Variants in CPNE8 observed in about 807,000 individuals in gnomAD.
CPNE8 encodes copine 8, also known as copine-8.
A neutral mutation model predicts 81.5 loss-of-function variants in CPNE8; 45 were observed. The observed-to-expected ratio is 0.55, with a 90% CI of 0.44 to 0.71. The LOEUF (loss-of-function observed/expected upper bound fraction) is 0.71. Ranked by LOEUF, CPNE8 falls within the 30% of genes least tolerant of loss-of-function variation. The pLI, the probability that CPNE8 is intolerant of heterozygous loss-of-function variation, is 0.00. For missense variants in CPNE8, 594 were observed against 672.1 expected (o/e 0.88, Z 1.28); for synonymous variants, 252 against 226.3 (o/e 1.11, Z -1.02).
chr12:38,710,501 C>G (rs1940228525), intron 13 of CPNE8, among the ~76,000 whole-genome samples: 1 of 152,046 alleles, frequency 6.6e-6, no homozygotes, highest in African/African-American at 2.4e-5. Flanking sequence ...ATATGACAGA[C>G]AGGTAACAAC....
chr12:38,899,412 T>A (rs1944429629), intron 1 of CPNE8, among the ~76,000 whole-genome samples: 1 of 152,148 alleles, frequency 6.6e-6, no homozygotes, highest in Non-Finnish European at 1.5e-5. Context: ...AACCTGACTA[T>A]GTTGGCACCC....
intron 6 of CPNE8, among the ~76,000 whole-genome samples, chr12:38,788,514 A>C (rs1942249738): frequency 6.6e-6 from 1 of 151,974 alleles, no homozygotes; most frequent in African/African-American, 2.4e-5. Context: ...CTGAATAGGT[A>C]AATACTGAAA....
intron 1 of CPNE8, among the ~76,000 whole-genome samples, chr12:38,888,634 A>T (rs1384714575): frequency 6.6e-6 from 1 of 152,216 alleles, no homozygotes. Flanking sequence ...TGTATGTTTC[A>T]TCCTTATCAG....
intron 14 of CPNE8, among the ~76,000 whole-genome samples, chr12:38,695,518 T>C (rs1939773470): frequency 6.6e-6 from 1 of 152,214 alleles, no homozygotes; most frequent in African/African-American, 2.4e-5. Context: ...GCAATGGTCT[T>C]AAATAAAGCC....
At chr12:38,845,862 T>C (rs553414419) in intron 4 of CPNE8, among the ~76,000 whole-genome samples, 1 of 152,312 alleles carries the variant, frequency 6.6e-6, no homozygotes, top group Non-Finnish European at 1.5e-5. Context: ...CTAGCCCTAA[T>C]TGTTTGAACT....
intron 14 of CPNE8, among the ~76,000 whole-genome samples, chr12:38,697,624 T>A (rs1178839059): frequency 6.6e-6 from 1 of 152,094 alleles, no homozygotes. Context: ...CCCACTGATA[T>A]AGTTTGGATG....
At chr12:38,658,025 A>G (rs1489999784) in intron 19 of CPNE8, among the ~76,000 whole-genome samples, 1 of 152,206 alleles carries the variant, frequency 6.6e-6, no homozygotes, top group Non-Finnish European at 1.5e-5. Context: ...CCAGTAATGG[A>G]ACAAAGATGG....
At chr12:38,785,709 G>A (rs1942168285) in intron 6 of CPNE8, among the ~76,000 whole-genome samples, 1 of 152,082 alleles carries the variant, frequency 6.6e-6, no homozygotes, top group South Asian at 2.1e-4. Flanking sequence ...TTAGCACCAT[G>A]AGACATACAA....
intron 6 of CPNE8, among the ~76,000 whole-genome samples, chr12:38,799,737 C>G (rs1169854018): frequency 6.7e-6 from 1 of 148,396 alleles, no homozygotes; most frequent in South Asian, 2.2e-4. Context: ...GCATTTCCAT[C>G]TGAGGTACCG....
chr12:38,771,830 A>G (rs568966077), intron 7 of CPNE8, among the ~76,000 whole-genome samples: 1 of 152,280 alleles, frequency 6.6e-6, no homozygotes, highest in East Asian at 1.9e-4. Flanking sequence ...TCAAACTACA[A>G]AGCTTCTGCT....
At chr12:38,710,656 C>T (rs984348587) in intron 13 of CPNE8, among the ~76,000 whole-genome samples, 1 of 152,116 alleles carries the variant, frequency 6.6e-6, no homozygotes, top group African/African-American at 2.4e-5. Flanking sequence ...TCTGTGGGGT[C>T]AGAAGAGAGT....
intron 6 of CPNE8, among the ~76,000 whole-genome samples, chr12:38,798,766 G>A (rs1380961986): frequency 6.6e-6 from 1 of 152,110 alleles, no homozygotes; most frequent in Non-Finnish European, 1.5e-5. Context: ...ATTGGATAAA[G>A]ACTCAAGATC....
intron 1 of CPNE8, among the ~76,000 whole-genome samples, chr12:38,898,974 A>G (rs1944423848): frequency 6.6e-6 from 1 of 152,222 alleles, no homozygotes; most frequent in African/African-American, 2.4e-5. Context: ...GTGTAGAGAG[A>G]ACCACATGAA....
At chr12:38,841,307 T>C (rs1307306375) in intron 4 of CPNE8, among the ~76,000 whole-genome samples, 5 of 152,282 alleles carry the variant, frequency 3.3e-5, no homozygotes, top group South Asian at 4.1e-4. Context: ...AGCCACTCTA[T>C]AGAGATCGAA....
At chr12:38,676,035 G>A (rs1939281231) in intron 17 of CPNE8, 1 of 165,238 alleles carries the variant, frequency 6.1e-6, no homozygotes, top group Non-Finnish European at 1.2e-5. Flanking sequence ...GGGATCACCT[G>A]GGCCTAGGAA....
intron 15 of CPNE8, among the ~76,000 whole-genome samples, chr12:38,689,825 C>T (rs1592011801): frequency 6.6e-6 from 1 of 152,270 alleles, no homozygotes; most frequent in East Asian, 1.9e-4. Context: ...GAGCTCCGCA[C>T]TATTGCGTTT....
chr12:38,767,556 TG>T, intron 8 of CPNE8, 78 bp downstream of exon 8: 1 of 843,806 alleles, frequency 1.2e-6, no homozygotes, highest in Non-Finnish European at 1.8e-6. Context: ...ATCAATTTAA[TG>T]AGCTTCTCTG....
intron 15 of CPNE8, among the ~76,000 whole-genome samples, chr12:38,686,808 A>G (rs1238885579): frequency 1.3e-5 from 2 of 152,178 alleles, no homozygotes; most frequent in Non-Finnish European, 1.5e-5. Flanking sequence ...TTCTCATAAC[A>G]TGGCAGCTAA....
At chr12:38,781,461 T>C (rs1942051643) in intron 6 of CPNE8, among the ~76,000 whole-genome samples, 1 of 151,966 alleles carries the variant, frequency 6.6e-6, no homozygotes, top group African/African-American at 2.4e-5. Context: ...TCTCAGAAAA[T>C]AAAACTAATT....
Sources: gnomAD v4.1 joint callset for allele counts (sites outside exome capture counted in the v4.1 genomes callset) on GRCh38, gnomAD v4.1.1 for gene constraint, MANE v1.5 for transcripts, NCBI Gene and HGNC (gene_info 2026-07-23, HGNC 2026-07-21) for gene names.